The following EPHA10 variants were observed in gnomAD, a reference collection of about 807,000 sequenced individuals.
EPHA10 encodes the protein EPH receptor A10, also known as ephrin type-A receptor 10.
Under a neutral mutation model 109.7 loss-of-function variants are expected in EPHA10, and 120 were observed. That is an observed-to-expected ratio of 1.09 (90% CI 0.94 to 1.27). EPHA10 has a LOEUF of 1.27. EPHA10 is among the 50% of genes most tolerant of loss of function. EPHA10 has a pLI of 0.00. For synonymous variants in EPHA10, 640 were observed against 618.9 expected (o/e 1.03, Z -0.51); for missense variants, 1,396 against 1,411.1 (o/e 0.99, Z 0.17).
At chr1:37,753,293 C>T (rs1215906817) in intron 4 of EPHA10, 67 bp from the exon 5 acceptor site, 3 of 60,598 alleles carry the variant, frequency 5.0e-5, no homozygotes, top group Non-Finnish European at 7.8e-5. Context: ...GCGGGATGCA[C>T]GAGGGGGGGG....
chr1:37,720,936 G>T (rs780400496), intron 11 of EPHA10, 92 bp from the exon 12 acceptor site: 1 of 1,291,072 alleles, frequency 7.7e-7, no homozygotes, highest in Non-Finnish European at 1.1e-6. Flanking sequence ...ACTGGGCCTC[G>T]AGAGCCAGAA....
downstream of EPHA10, chr1:37,715,834 C>G (rs61402172): frequency 0.014 from 6,860 of 505,764 alleles, 387 homozygotes; most frequent in African/African-American, 0.12. Flanking sequence ...TCTTTCACGG[C>G]AGGAGCAGTG....
chr1:37,729,584 G>A (rs889618410), intron 7 of EPHA10, among the ~76,000 whole-genome samples: 1 of 151,984 alleles, frequency 6.6e-6, no homozygotes, highest in African/African-American at 2.4e-5. Flanking sequence ...AAAAGAAAAA[G>A]ATCCTGCTTT....
At chr1:37,723,525 T>C (rs1645838141) in intron 8 of EPHA10, among the ~76,000 whole-genome samples, 153 bp from the exon 9 acceptor site, 1 of 152,190 alleles carries the variant, frequency 6.6e-6, no homozygotes, top group Admixed American at 6.5e-5. Flanking sequence ...AAAGCTTCTC[T>C]GTGGTTTGAC....
rs1175198331 is a variant in EPHA10, at chr1:37,761,726, C to A, written c.529G>T (p.Val177Leu). 6.2e-7 allele frequency: 1 copy of A among 1,613,796 alleles called. No homozygotes were observed. Among genetic ancestry groups the A allele is most frequent in the Non-Finnish European group, 8.5e-7 (1 of 1,179,910 alleles). Residue 177 changes from valine to leucine, a missense_variant, in exon 3 of 17, where the codon GTG (valine) becomes TTG (leucine). Coordinates refer to ENST00000373048, the MANE Select transcript of EPHA10 (RefSeq NM_001099439.2). ...CGGCTGAGCGGTCCGATCTCGCGCA[C>A]CTCTGTGTTCAGCTTCATCTTGCGC... is the stretch of plus-strand genomic sequence containing the variant. Reference protein sequence around the residue: ...GERKMKLNTEVREIGPLSRRG... With the variant: ...GERKMKLNTELREIGPLSRRG...
At chr1:37,760,193 A>T (rs975653907) in intron 3 of EPHA10, 1 of 830,648 alleles carries the variant, frequency 1.2e-6, no homozygotes, top group African/African-American at 1.8e-5. Context: ...GCATCTCTCC[A>T]TCTAGACTGT....
At chr1:37,727,975 C>T (rs143577726) in intron 7 of EPHA10, among the ~76,000 whole-genome samples, 7 of 152,140 alleles carry the variant, frequency 4.6e-5, no homozygotes, top group African/African-American at 1.4e-4. Context: ...AATGGGCCTA[C>T]GGGTGAGACA....
chr1:37,738,936 G>C (rs1000717810), intron 5 of EPHA10, among the ~76,000 whole-genome samples: 3 of 152,142 alleles, frequency 2.0e-5, no homozygotes, highest in African/African-American at 7.2e-5. Context: ...TCACTCATAG[G>C]TGGGAGTTTT....
intron 7 of EPHA10, 109 bp from the exon 8 acceptor site, chr1:37,727,319 C>G: frequency 1.2e-6 from 1 of 821,966 alleles, no homozygotes; most frequent in East Asian, 3.2e-5. Flanking sequence ...AGCACCTCTG[C>G]ACTTGGCACT....
chr1:37,761,435 C>A lies in EPHA10; in HGVS notation c.820G>T (p.Gly274Ter), dbSNP rs1468195476. 6.3e-7 allele frequency: 1 copy of A among 1,599,508 alleles called. No homozygotes were observed. Among genetic ancestry groups the A allele is most frequent in the African/African-American group, 1.3e-5 (1 of 74,900 alleles). The change falls in exon 3 of 17, where the codon GGA (glycine) becomes TGA (stop). Residue 274 changes from glycine (G) to a stop codon, truncating the protein, a stop_gained. Coordinates refer to ENST00000373048, the MANE Select transcript of EPHA10 (RefSeq NM_001099439.2). LOFTEE classifies it high-confidence loss of function. The part of the protein sequence containing the change: ...VPVGRCSCSA[G>*]FQERGDFCEA... ...CAGAAGTCACCACGCTCCTGGAATCCCGCGCTGCAGCTGCAGCGGCCCACA... is the reference window on the plus strand; with the variant it reads ...CAGAAGTCACCACGCTCCTGGAATCACGCGCTGCAGCTGCAGCGGCCCACA...
At chr1:37,736,476 CAAAAA>C (rs543417433) in intron 5 of EPHA10, among the ~76,000 whole-genome samples, 8 of 57,840 alleles carry the variant, frequency 1.4e-4, no homozygotes, top group Admixed American at 2.2e-4. Context: ...AATTCTGTCT[CAAAAA>C]AAAAAAAAAA....
intron 8 of EPHA10, among the ~76,000 whole-genome samples, chr1:37,724,791 G>C (rs1645860699): frequency 6.6e-6 from 1 of 152,218 alleles, no homozygotes; most frequent in Non-Finnish European, 1.5e-5. Context: ...GAACCTGACT[G>C]CAGGGACCTG....
chr1:37,734,954 G>C (rs76289671), intron 6 of EPHA10, among the ~76,000 whole-genome samples: 1,610 of 152,206 alleles, frequency 0.011, 29 homozygotes, highest in African/African-American at 0.037. Flanking sequence ...CAAATGATAC[G>C]TATAAGATTC....
chr1:37,720,615 A>G, intron 12 of EPHA10, 61 bp from the exon 13 acceptor site: 2 of 1,559,510 alleles, frequency 1.3e-6, no homozygotes, highest in Non-Finnish European at 1.7e-6. Flanking sequence ...GTTGTGTGAC[A>G]CCAGGGCGGT....
chr1:37,729,800 A>G (rs929924117), intron 7 of EPHA10, among the ~76,000 whole-genome samples: 14 of 151,928 alleles, frequency 9.2e-5, no homozygotes, highest in African/African-American at 3.4e-4. Flanking sequence ...TTAAGCCTGG[A>G]AAGTTGAGGC....
chr1:37,717,556 G>T lies in EPHA10; in HGVS notation c.*816C>A. 1 of 231,582 alleles carries T rather than the reference G, an allele frequency of 4.3e-6. No individual in the cohort carries two copies. Among genetic ancestry groups the T allele is most frequent in the East Asian group, 6.1e-5 (1 of 16,342 alleles). The allele number at this position is 231,582 out of a possible 1,614,324, so 14.3% of individuals were successfully genotyped here. A position where few individuals can be genotyped will look rare whatever the true frequency, so the allele number is the denominator to read the frequency against. On this transcript the variant is annotated 3_prime_UTR_variant, in exon 17 of 17. Transcript: ENST00000373048. ...CCATGGCTGGAGAGAAAAGCTCTTG[G>T]GTCCCTGGGGAGATAACATGGCCCT... is the stretch of plus-strand genomic sequence containing the variant.
Position 37,753,232 on chromosome 1 carries a change from G to A in EPHA10, c.1007-6C>T. 7.6e-7 allele frequency: 1 copy of A among 1,316,884 alleles called. No homozygotes were observed. The highest frequency in any genetic ancestry group is 9.6e-7 in the Non-Finnish European group (1 of 1,037,710). The allele number at this position is 1,316,884 out of a possible 1,614,324, so 81.6% of individuals were successfully genotyped here. A position where few individuals can be genotyped will look rare whatever the true frequency, so the allele number is the denominator to read the frequency against. On this transcript the variant is annotated splice_region_variant and splice_polypyrimidine_tract_variant and intron_variant, in intron 4 of 16. Transcript: ENST00000373048. ...CCGCGGCGCCGACGGCGGCCCTGAG[G>A]CGGCACAGGGGCGGGGCGGTCAGGG... is the stretch of plus-strand genomic sequence containing the variant.
intron 11 of EPHA10, 81 bp downstream of exon 11, chr1:37,721,579 G>A: frequency 1.4e-6 from 2 of 1,402,382 alleles, no homozygotes; most frequent in Admixed American, 4.9e-5. Context: ...GGAGAGGCAG[G>A]GGCACTCCAA....
Position 37,718,684 on chromosome 1 carries a change from C to T in EPHA10, c.2889G>A (p.Glu963=). Residue 963 remains glutamate, a synonymous_variant, in exon 16 of 17, where the codon GAG becomes GAA. Coordinates refer to ENST00000373048, the MANE Select transcript of EPHA10 (RefSeq NM_001099439.2). ...ACTGGGCAGTCATCTCGGCCACGGC[C>T]TCCAGGCTCCCATAGCCAGCAGCCG... ...SFAAAGYGSL[E]AVAEMTAQDL... is the part of the protein sequence containing the mutation. 1.2e-6 allele frequency: 2 copies of T among 1,613,240 alleles called. No homozygotes were observed. Among genetic ancestry groups the T allele is most frequent in the Non-Finnish European group, 1.7e-6 (2 of 1,180,028 alleles).
Sources: allele counts gnomAD v4.1 joint callset (sites outside exome capture counted in the v4.1 genomes callset), GRCh38; gene constraint gnomAD v4.1.1; transcripts MANE v1.5; gene names NCBI Gene and HGNC (gene_info 2026-07-23, HGNC 2026-07-21).